PATL2: variants seen among roughly 807,000 people sequenced by gnomAD.
PATL2 encodes PAT1 homolog 2.
In PATL2, 73 loss-of-function variants were observed where a neutral mutation model predicts 77.0. That is an observed-to-expected ratio of 0.95 (90% CI 0.78 to 1.15). PATL2 has a LOEUF of 1.15. Ranked by LOEUF, PATL2 falls within the 50% of genes most tolerant of loss-of-function variation. The probability of loss-of-function intolerance (pLI) is 0.00; values close to 1 mark genes in which losing one functional copy is unlikely to be tolerated. For missense variants in PATL2, 618 were observed against 655.4 expected (o/e 0.94, Z 0.62); for synonymous variants, 265 against 257.1 (o/e 1.03, Z -0.29).
At chr15:44,670,347 C>T (rs915497754) in intron 9 of PATL2, among the ~76,000 whole-genome samples, 2 of 152,148 alleles carry the variant, frequency 1.3e-5, no homozygotes, top group African/African-American at 4.8e-5. Flanking sequence ...GCACGTGCCA[C>T]CATGCCCAGC....
rs956731410 is a variant in PATL2 at position 44,665,787 on chromosome 15, C to A, written c.*166G>T. On this transcript the variant is annotated 3_prime_UTR_variant, in exon 18 of 18. Transcript: ENST00000682850. ...TTATGCCATGTCTTATTTTTAGGCA[C>A]ATCATTTAGATTTTTGAAGAAAGGA... 6.6e-7 allele frequency: 1 copy of A among 1,504,202 alleles called. No individual in the cohort carries two copies. The highest frequency in any genetic ancestry group is 8.9e-7 in the Non-Finnish European group (1 of 1,125,944). The allele number at this position is 1,504,202 out of a possible 1,614,324, so 93.2% of individuals were successfully genotyped here.
chr15:44,671,029 A>G (rs1328083653), intron 9 of PATL2, among the ~76,000 whole-genome samples: 1 of 152,264 alleles, frequency 6.6e-6, no homozygotes, highest in South Asian at 2.1e-4. Context: ...TTTGTTTAGA[A>G]GCAATGCCAA....
rs192646141 is a variant in PATL2, at chr15:44,669,848, G to T, written c.805C>A (p.Gln269Lys). Residue 269 changes from glutamine (Q) to lysine (K), a missense_variant, in exon 11 of 18, where the codon CAG (glutamine) becomes AAG (lysine). Transcript: ENST00000682850. Reference sequence around the variant, plus strand: ...CTGAAGCATGTCGACACAGCTACCTGGCCCAGGGAACCCTCGATTCGGACC... The same window carrying T: ...CTGAAGCATGTCGACACAGCTACCTTGCCCAGGGAACCCTCGATTCGGACC... Reference protein sequence around the residue: ...SVVRIEGSLGQVAVSTCFSPR... With the variant: ...SVVRIEGSLGKVAVSTCFSPR... 14 of 1,551,586 alleles carry T rather than the reference G, an allele frequency of 9.0e-6. No individual in the cohort carries two copies. The East Asian group carries it at 2.9e-4, about 33-fold the overall frequency.
At chr15:44,690,767 T>C (rs548362318) in intron 3 of PATL2, among the ~76,000 whole-genome samples, 48 of 152,332 alleles carry the variant, frequency 3.2e-4, no homozygotes, top group South Asian at 1.9e-3. Context: ...CTCAGATCTT[T>C]TTAGCAATAG....
At chr15:44,697,168 C>T (rs1566867742) in intron 3 of PATL2, among the ~76,000 whole-genome samples, 1 of 151,896 alleles carries the variant, frequency 6.6e-6, no homozygotes, top group East Asian at 1.9e-4. Flanking sequence ...CCTTCCTCCT[C>T]CTCCTTCTCC....
At chr15:44,671,255 G>A (rs1457108623) in intron 9 of PATL2, among the ~76,000 whole-genome samples, 1 of 152,156 alleles carries the variant, frequency 6.6e-6, no homozygotes, top group Non-Finnish European at 1.5e-5. Context: ...TTGGGAGGCC[G>A]AGGCGGGTGG....
At chr15:44,703,723 CTTTTTTTTTT>C (rs933165876) in intron 3 of PATL2, among the ~76,000 whole-genome samples, 28 of 33,002 alleles carry the variant, frequency 8.5e-4, no homozygotes, top group Admixed American at 1.1e-3. Flanking sequence ...CCGGGTCTTG[CTTTTTTTTTT>C]TTTTTTTTTT....
chr15:44,687,826 T>C (rs1323915079), intron 3 of PATL2, among the ~76,000 whole-genome samples: 1 of 152,080 alleles, frequency 6.6e-6, no homozygotes, highest in South Asian at 2.1e-4. Flanking sequence ...ATTAAGTACC[T>C]AGGAATCCAA....
intron 3 of PATL2, among the ~76,000 whole-genome samples, chr15:44,684,640 T>G (rs2086212107): frequency 6.6e-6 from 1 of 152,090 alleles, no homozygotes. Context: ...CCGAAAGTGA[T>G]GGGGAGAATG....
chr15:44,676,686 GGA>G (rs1167891001), intron 3 of PATL2, 121 bp from the exon 4 acceptor site: 1 of 1,210,414 alleles, frequency 8.3e-7, no homozygotes, highest in Non-Finnish European at 1.1e-6. Flanking sequence ...ATGGTCTTGA[GGA>G]GAGAGACCCT....
intron 3 of PATL2, among the ~76,000 whole-genome samples, chr15:44,696,190 A>T (rs115622499): frequency 6.6e-6 from 1 of 152,234 alleles, no homozygotes; most frequent in Non-Finnish European, 1.5e-5. Flanking sequence ...TACTATACCT[A>T]CAAGGGAAAA....
intron 3 of PATL2, among the ~76,000 whole-genome samples, chr15:44,680,654 G>A (rs1336182188): frequency 1.3e-5 from 2 of 152,046 alleles, no homozygotes; most frequent in Admixed American, 6.5e-5. Context: ...CCACTTCTTG[G>A]AGACAAATCC....
intron 3 of PATL2, among the ~76,000 whole-genome samples, chr15:44,705,090 C>A (rs1323517253): frequency 6.6e-6 from 1 of 152,282 alleles, no homozygotes; most frequent in Non-Finnish European, 1.5e-5. Flanking sequence ...ATATTGATAT[C>A]TTTCCCTAGG....
At position 44,674,244 on chromosome 15, in the gene PATL2, G is replaced by A. The variant is rs1452400545; in HGVS notation, c.223-14C>T. 1.3e-6 allele frequency: 2 copies of A among 1,527,482 alleles called. No homozygotes were observed. Among genetic ancestry groups the A allele is most frequent in the Non-Finnish European group, 1.8e-6 (2 of 1,127,780 alleles). The allele number at this position is 1,527,482 out of a possible 1,614,324, so 94.6% of individuals were successfully genotyped here. ...AAGCAGAGCTCTCTGGAACAGGAGGGAGGAAAAACCAGGCTCAAATGGGCC... is the reference window on the plus strand; with the variant it reads ...AAGCAGAGCTCTCTGGAACAGGAGGAAGGAAAAACCAGGCTCAAATGGGCC... On this transcript the variant is annotated splice_polypyrimidine_tract_variant and intron_variant, in intron 5 of 17. Transcript: ENST00000682850.
intron 3 of PATL2, among the ~76,000 whole-genome samples, chr15:44,693,321 C>G (rs917048445): frequency 5.3e-5 from 8 of 152,208 alleles, no homozygotes; most frequent in Non-Finnish European, 1.2e-4. Flanking sequence ...CCGAGAAGCA[C>G]TCCTTTCTGG....
intron 14 of PATL2, 49 bp downstream of exon 14, chr15:44,668,931 C>T (rs1278562179): frequency 6.7e-7 from 1 of 1,481,588 alleles, no homozygotes; most frequent in Non-Finnish European, 9.0e-7. Flanking sequence ...AGGAATGACC[C>T]CTAACCTATT....
chr15:44,700,772 T>C (rs957579016), intron 3 of PATL2, among the ~76,000 whole-genome samples: 31 of 152,250 alleles, frequency 2.0e-4, no homozygotes, highest in Admixed American at 1.7e-3. Context: ...TTCTCTTGTC[T>C]GATTACTCTA....
intron 3 of PATL2, among the ~76,000 whole-genome samples, chr15:44,699,966 A>G (rs1448947020): frequency 1.3e-5 from 2 of 152,102 alleles, no homozygotes; most frequent in Non-Finnish European, 2.9e-5. Context: ...TGCTCAAGAT[A>G]GTTTTGGCTG....
At chr15:44,675,896 C>T (rs762600195) in intron 4 of PATL2, 25 of 553,346 alleles carry the variant, frequency 4.5e-5, no homozygotes, top group Non-Finnish European at 7.6e-5. Flanking sequence ...TCAAATGGAA[C>T]CTGAGCCAGG....
Sources: allele counts gnomAD v4.1 joint callset (sites outside exome capture counted in the v4.1 genomes callset), GRCh38; gene constraint gnomAD v4.1.1; transcripts MANE v1.5; gene names NCBI Gene and HGNC (gene_info 2026-07-23, HGNC 2026-07-21).